The following CEP192 variants were observed in gnomAD, a reference collection of about 807,000 sequenced individuals.
CEP192 encodes the protein centrosomal protein 192.
In CEP192, 151 loss-of-function variants were observed where a neutral mutation model predicts 271.8. That is an observed-to-expected ratio of 0.56 (90% CI 0.49 to 0.64). The LOEUF is 0.64. Among genes scored for constraint, CEP192 ranks in the 30% least tolerant of loss-of-function variants. The pLI, the probability that CEP192 is intolerant of heterozygous loss-of-function variation, is 0.00. For missense variants in CEP192, 2,910 were observed against 3,020.5 expected (o/e 0.96, Z 0.86); for synonymous variants, 995 against 1,076.5 (o/e 0.92, Z 1.48).
intron 30 of CEP192, among the ~76,000 whole-genome samples, chr18:13,075,977 A>G (rs942468110): frequency 5.3e-5 from 8 of 152,064 alleles, no homozygotes; most frequent in African/African-American, 1.9e-4. Context: ...AGCTTGTGTT[A>G]CCCCCAGGGG....
chr18:13,060,456 G>T (rs1335274210), intron 21 of CEP192, among the ~76,000 whole-genome samples: 1 of 152,120 alleles, frequency 6.6e-6, no homozygotes, highest in African/African-American at 2.4e-5. Context: ...TATAAACACT[G>T]TACATTTAGG....
At chr18:13,096,496 G>A (rs1319392825) in intron 36 of CEP192, among the ~76,000 whole-genome samples, 189 bp downstream of exon 36, 2 of 152,214 alleles carry the variant, frequency 1.3e-5, no homozygotes, top group Non-Finnish European at 2.9e-5. Context: ...GTGGAGCAGA[G>A]ATCTGCACAC....
At chr18:13,111,403 G>A (rs2040204211) in intron 40 of CEP192, among the ~76,000 whole-genome samples, 1 of 152,202 alleles carries the variant, frequency 6.6e-6, no homozygotes, top group Admixed American at 6.5e-5. Flanking sequence ...GGGATTGCAG[G>A]CGTGAGCCAC....
Position 13,056,277 on chromosome 18 carries a change from C to T in CEP192, c.3687C>T (p.Pro1229=). 3 of 1,613,850 alleles carry T rather than the reference C, an allele frequency of 1.9e-6. No individual in the cohort carries two copies. Among genetic ancestry groups the T allele is most frequent in the Non-Finnish European group, 2.5e-6 (3 of 1,179,800 alleles). ...TTSENQCTPI[P]SSTVHSSVAD... ...CTGAAAACCAGTGTACTCCTATTCCCAGCAGCACAGTTCACAGCTCTGTGG... is the reference window on the plus strand; with the variant it reads ...CTGAAAACCAGTGTACTCCTATTCCTAGCAGCACAGTTCACAGCTCTGTGG... The change falls in exon 19 of 45, where the codon CCC becomes CCT. Residue 1229 remains proline (P), a synonymous_variant. Coordinates refer to ENST00000506447, the MANE Select transcript of CEP192 (RefSeq NM_032142.4).
At position 13,069,821 on chromosome 18, in the gene CEP192, A is replaced by AT; in HGVS notation, c.5142dup (p.Thr1715TyrfsTer6). On this transcript the variant is annotated frameshift_variant, in exon 27 of 45. Transcript: ENST00000506447. LOFTEE classifies it high-confidence loss of function. ...GAGAAGAACATGAGGTTATTGTTTC[A>AT]TTTACTCCAAAGGATCCTGAAGCCT... 1.2e-6 allele frequency: 2 copies of AT among 1,600,858 alleles called. No homozygotes were observed. The highest frequency in any genetic ancestry group is 1.7e-6 in the Non-Finnish European group (2 of 1,168,292).
chr18:13,042,107 C>G (rs2036239679), intron 14 of CEP192, 97 bp from the exon 15 acceptor site: 1 of 953,164 alleles, frequency 1.0e-6, no homozygotes, highest in South Asian at 1.8e-5. Flanking sequence ...AAGACATCTT[C>G]CTTGGTAAAT....
At chr18:13,098,768 C>T (rs560734548) in intron 36 of CEP192, among the ~76,000 whole-genome samples, 2,199 of 151,990 alleles carry the variant, frequency 0.014, 57 homozygotes, top group African/African-American at 0.047. Context: ...CCTCACTTCC[C>T]AGACGGGGTG....
At chr18:12,998,695 ATTAT>A (rs1787204368) in intron 1 of CEP192, among the ~76,000 whole-genome samples, 2 of 151,532 alleles carry the variant, frequency 1.3e-5, no homozygotes, top group South Asian at 2.1e-4. Context: ...GCTTTTCCTG[ATTAT>A]TTATCTTTTT....
chr18:13,083,960 G>T (rs1429246498), intron 30 of CEP192, among the ~76,000 whole-genome samples: 1 of 152,148 alleles, frequency 6.6e-6, no homozygotes, highest in African/African-American at 2.4e-5. Context: ...CTGCAGAACG[G>T]CAAATATTGC....
At chr18:13,087,914 A>C (rs2038970745) in intron 32 of CEP192, among the ~76,000 whole-genome samples, 1 of 152,206 alleles carries the variant, frequency 6.6e-6, no homozygotes, top group Admixed American at 6.5e-5. Context: ...CAGTAGGTGC[A>C]TCATACTTCA....
At chr18:13,055,712 C>A in intron 18 of CEP192, 68 bp from the exon 19 acceptor site, 2 of 1,128,904 alleles carry the variant, frequency 1.8e-6, no homozygotes, top group Non-Finnish European at 2.5e-6. Context: ...GAGCTTTTGC[C>A]AGCATGTTTC....
At chr18:13,002,430 T>C (rs1271386933) in intron 3 of CEP192, among the ~76,000 whole-genome samples, 1 of 152,202 alleles carries the variant, frequency 6.6e-6, no homozygotes, top group Non-Finnish European at 1.5e-5. Context: ...GTCATTTAGA[T>C]TATTGCAGTT....
At chr18:13,068,495 CT>C in intron 24 of CEP192, 73 bp downstream of exon 24, 1 of 1,222,394 alleles carries the variant, frequency 8.2e-7, no homozygotes, top group South Asian at 1.3e-5. Flanking sequence ...GATGTATTTC[CT>C]TTGTCAATAA....
intron 30 of CEP192, among the ~76,000 whole-genome samples, chr18:13,078,660 G>A (rs2038421323): frequency 6.6e-6 from 1 of 152,028 alleles, no homozygotes; most frequent in Admixed American, 6.6e-5. Flanking sequence ...TATACTTTAA[G>A]TTCTAGGGTA....
At chr18:13,119,451 A>G (rs1341748241) in intron 44 of CEP192, among the ~76,000 whole-genome samples, 1 of 152,178 alleles carries the variant, frequency 6.6e-6, no homozygotes, top group African/African-American at 2.4e-5. Flanking sequence ...CTTAAAAAAT[A>G]TATTTTTTAG....
rs772412424 is a variant in CEP192 at position 13,067,878 on chromosome 18, T to C, written c.4536T>C (p.Tyr1512=). ...TTCTTGATTTTGGTGACTTGACTTA[T>C]GGAGGCTGGAAAGCCCTCCCACTAA... ...KDVLDFGDLT[Y]GGWKALPLKL... The change falls in exon 22 of 45, where the codon TAT becomes TAC. Residue 1512 remains tyrosine, a synonymous_variant. Coordinates refer to ENST00000506447, the MANE Select transcript of CEP192 (RefSeq NM_032142.4). 5.0e-6 allele frequency: 8 copies of C among 1,612,658 alleles called. No homozygotes were observed. The East Asian group carries it at 8.9e-5, about 18-fold the overall frequency.
rs773016815 is a variant in CEP192 at position 13,100,412 on chromosome 18, T to C, written c.6771T>C (p.Val2257=). 98 of 1,614,056 alleles carry C rather than the reference T, an allele frequency of 6.1e-5. No homozygotes were observed. The highest frequency in any genetic ancestry group is 8.2e-5 in the Non-Finnish European group (97 of 1,179,904). Residue 2257 remains valine, a synonymous_variant, in exon 38 of 45, where the codon GTT becomes GTC. Coordinates refer to ENST00000506447, the MANE Select transcript of CEP192 (RefSeq NM_032142.4). The stretch of plus-strand genomic sequence containing the variant: ...TTTCCCCAGTATCTGAGCCTTCAGT[T>C]AGTCATTTGGTCAAACCAATGACAA... ...GILSPVSEPS[V]SHLVKPMTKP...
chr18:13,085,175 T>C (rs28794612), intron 30 of CEP192, among the ~76,000 whole-genome samples: 5,331 of 152,240 alleles, frequency 0.035, 281 homozygotes, highest in African/African-American at 0.12. Flanking sequence ...TTCACGTTTG[T>C]TGGCTGCATA....
chr18:13,081,352 G>C (rs762350284), intron 30 of CEP192, among the ~76,000 whole-genome samples: 3 of 152,040 alleles, frequency 2.0e-5, no homozygotes, highest in Non-Finnish European at 4.4e-5. Flanking sequence ...ACTTCTTCCT[G>C]GTTTAGTCTT....
Sources: gnomAD v4.1 joint callset for allele counts (sites outside exome capture counted in the v4.1 genomes callset) on GRCh38, gnomAD v4.1.1 for gene constraint, MANE v1.5 for transcripts, NCBI Gene and HGNC (gene_info 2026-07-23, HGNC 2026-07-21) for gene names.